The following RBPJL variants were observed in gnomAD, a reference collection of about 807,000 sequenced individuals.
RBPJL encodes recombination signal binding protein for immunoglobulin kappa J region like, also known as recombining binding protein suppressor of hairless-like protein.
A neutral mutation model predicts 57.6 loss-of-function variants in RBPJL; 50 were observed. The ratio of observed to expected loss-of-function variants is 0.87; its 90% CI spans 0.69 to 1.10. The LOEUF (loss-of-function observed/expected upper bound fraction) is 1.10, where lower values mean the gene tolerates loss of function less well. Among genes scored for constraint, RBPJL ranks in the 50% least tolerant of loss-of-function variants. RBPJL has a pLI of 0.00. For missense variants in RBPJL, 684 were observed against 693.7 expected, an observed-to-expected ratio of 0.99 and a Z score of 0.16; for synonymous variants, 303 against 294.4, an observed-to-expected ratio of 1.03 and a Z score of -0.30.
chr20:45,310,354 C>T (rs2145687874), intron 3 of RBPJL, among the ~76,000 whole-genome samples: 2 of 152,272 alleles, frequency 1.3e-5, no homozygotes, highest in East Asian at 3.9e-4. Flanking sequence ...CACCTGTAAT[C>T]CCAGCACTTT....
chr20:45,310,610 A>C (rs1314126371), intron 3 of RBPJL, among the ~76,000 whole-genome samples: 1 of 151,368 alleles, frequency 6.6e-6, no homozygotes, highest in Non-Finnish European at 1.5e-5. Context: ...AGTCTCAAAA[A>C]AAAAAAGGGC....
intron 9 of RBPJL, 92 bp downstream of exon 9, chr20:45,314,657 C>CTCAGGAAGTAGCAACCA: frequency 7.8e-7 from 1 of 1,286,328 alleles, no homozygotes; most frequent in Non-Finnish European, 1.1e-6. Flanking sequence ...ACCATGGTTG[C>CTCAGGAAGTAGCAACCA]TACTTCCTGA....
intron 6 of RBPJL, among the ~76,000 whole-genome samples, chr20:45,312,969 C>T (rs902112017): frequency 1.3e-4 from 20 of 149,682 alleles, no homozygotes; most frequent in African/African-American, 4.9e-4. Flanking sequence ...GATAGCACCA[C>T]GGCAGTCCAG....
chr20:45,314,236 A>T (rs1380528298), intron 8 of RBPJL, 92 bp downstream of exon 8: 1 of 1,299,288 alleles, frequency 7.7e-7, no homozygotes, highest in Non-Finnish European at 1.1e-6. Flanking sequence ...TGAGGCCCCA[A>T]GGCATGGAGA....
In RBPJL at chr20:45,312,323, A is replaced by T; in HGVS notation, c.547A>T (p.Thr183Ser). ...GCTGCGCGGGGGCCGGGAGCTGGGT[A>T]CCTTCCACAGCCGCCTTATCAAGGT... Reference protein sequence around the residue: ...LVLRGGRELGTFHSRLIKVIS... With the variant: ...LVLRGGRELGSFHSRLIKVIS... The change falls in exon 6 of 12, where the codon ACC becomes TCC. Residue 183 changes from threonine to serine, a missense_variant. Physicochemically the swap from Thr to Ser is moderately conservative, Grantham distance 58. Transcript: ENST00000343694. The T allele has an allele frequency of 6.2e-7, 1 of 1,613,814 alleles. No homozygotes were observed.
At chr20:45,308,400 T>G in intron 2 of RBPJL, 149 bp downstream of exon 2, 1 of 605,302 alleles carries the variant, frequency 1.7e-6, no homozygotes, top group Non-Finnish European at 3.0e-6. Flanking sequence ...GGATCCCCCC[T>G]TCCTCCTGAG....
chr20:45,316,857 T>A lies in RBPJL; in HGVS notation c.1452T>A (p.Gly484=). 1 of 1,613,772 alleles carries A rather than the reference T, an allele frequency of 6.2e-7. No homozygotes were observed. Among genetic ancestry groups the A allele is most frequent in the South Asian group, 1.1e-5 (1 of 91,062 alleles). The change falls in exon 12 of 12, where the codon GGT becomes GGA. Residue 484 remains glycine (G), a synonymous_variant. Coordinates refer to ENST00000343694, the MANE Select transcript of RBPJL (RefSeq NM_014276.4). The stretch of plus-strand genomic sequence containing the variant: ...CCCCGGAATACAGCGTGCGGCCGGG[T>A]CACCCCGGCGTCCCCGAGCCCGCCA... The part of the protein sequence containing the change: ...TYTPEYSVRP[G]HPGVPEPATD...
Position 45,308,314 on chromosome 20 carries a change from C to A in RBPJL, c.131+63C>A, listed in dbSNP as rs1005928283. 3.0e-5 allele frequency: 34 copies of A among 1,117,772 alleles called. No homozygotes were observed. In the Middle Eastern group the frequency reaches 1.0e-3, roughly 34 times the overall value. The allele number at this position is 1,117,772 out of a possible 1,614,324, so 69.2% of individuals were successfully genotyped here. A position where few individuals can be genotyped will look rare whatever the true frequency, so the allele number is the denominator to read the frequency against. On this transcript the variant is annotated intron_variant, in intron 2 of 11. Coordinates refer to ENST00000343694, the MANE Select transcript of RBPJL (RefSeq NM_014276.4). ...GCCAGGCAGCTGGAGCACACAGAGGCAACGGCCGCATTTAACCCAGGGCTG... is the reference window on the plus strand; with the variant it reads ...GCCAGGCAGCTGGAGCACACAGAGGAAACGGCCGCATTTAACCCAGGGCTG...
At chr20:45,311,732 C>A (rs766065677) in intron 4 of RBPJL, 73 bp downstream of exon 4, 4 of 1,576,044 alleles carry the variant, frequency 2.5e-6, no homozygotes, top group Non-Finnish European at 3.5e-6. Context: ...CGAGACGGGG[C>A]GGTTCGCAGG....
At chr20:45,308,961 A>G (rs1247054665) in intron 2 of RBPJL, among the ~76,000 whole-genome samples, 1 of 152,076 alleles carries the variant, frequency 6.6e-6, no homozygotes, top group African/African-American at 2.4e-5. Flanking sequence ...GCCACTTCTC[A>G]TGGGAGAAAG....
intron 6 of RBPJL, among the ~76,000 whole-genome samples, chr20:45,312,688 G>T (rs1028073861): frequency 1.6e-4 from 24 of 152,040 alleles, no homozygotes; most frequent in African/African-American, 4.8e-4. Context: ...TTGAACTAGG[G>T]ACAGACTAAA....
chr20:45,311,123 A>AAG (rs1407249751), intron 3 of RBPJL, among the ~76,000 whole-genome samples: 3 of 151,614 alleles, frequency 2.0e-5, no homozygotes, highest in Non-Finnish European at 4.4e-5. Flanking sequence ...CCTCAAAAAA[A>AAG]AAAAAAAAGA....
In RBPJL at chr20:45,308,256, C is replaced by CTTGGACTAG; in HGVS notation, c.131+5_131+6insTTGGACTAG. 1 of 1,599,478 alleles carries CTTGGACTAG rather than the reference C, an allele frequency of 6.3e-7. No individual in the cohort carries two copies. Among genetic ancestry groups the CTTGGACTAG allele is most frequent in the Non-Finnish European group, 8.6e-7 (1 of 1,166,884 alleles). ...CCTCCCGGGCACTTGGACCAGGTAA[C>CTTGGACTAG]GGCGGCGTGGCAGCGTGCCCTAGGT... is the stretch of plus-strand genomic sequence containing the variant. On this transcript the variant is annotated splice_donor_region_variant and intron_variant, in intron 2 of 11. Transcript: ENST00000343694.
chr20:45,316,925 C>G lies in RBPJL; in HGVS notation c.1520C>G (p.Thr507Arg), dbSNP rs746049643. 1.9e-6 allele frequency: 3 copies of G among 1,613,048 alleles called. No homozygotes were observed. Among genetic ancestry groups the G allele is most frequent in the Admixed American group, 1.7e-5 (1 of 59,942 alleles). ...ALLESIHQEFTRTNFHLFIQT is the reference protein window; with the variant it reads ...ALLESIHQEFRRTNFHLFIQT ...CTGGAGAGCATCCATCAGGAGTTCA[C>G]GCGCACCAACTTCCACCTCTTCATC... Residue 507 changes from threonine (T) to arginine (R), a missense_variant, in exon 12 of 12, where the codon ACG becomes AGG. Transcript: ENST00000343694.
At chr20:45,314,968 A>G (rs1465922013) in intron 9 of RBPJL, among the ~76,000 whole-genome samples, 1 of 152,188 alleles carries the variant, frequency 6.6e-6, no homozygotes, top group African/African-American at 2.4e-5. Context: ...CTGTAATCTC[A>G]GCTACTCAGG....
At position 45,317,480 on chromosome 20, in the gene RBPJL, G is replaced by T. The variant is rs78503204; in HGVS notation, c.*521G>T. On this transcript the variant is annotated 3_prime_UTR_variant, in exon 12 of 12. Transcript: ENST00000343694. ...GGGCATCAGGACCCTGGAGCACCAG[G>T]TCCTTCCTGGAATATTAGATCCACC... The T allele has an allele frequency of 0.014, 2,128 of 154,128 alleles. 44 individuals carry two copies. Among genetic ancestry groups the T allele is most frequent in the African/African-American group, 0.044 (1,846 of 41,540 alleles). 9.5% of individuals were successfully genotyped at this position (154,128 alleles called of 1,614,324 possible).
chr20:45,315,865 AAAGG>A (rs975759308), intron 9 of RBPJL: 7 of 280,194 alleles, frequency 2.5e-5, no homozygotes, highest in African/African-American at 8.7e-5. Context: ...GAAAGAAAGA[AAAGG>A]AAGGAAGGAA....
intron 6 of RBPJL, 46 bp from the exon 7 acceptor site, chr20:45,313,422 A>G: frequency 2.6e-6 from 4 of 1,530,630 alleles, no homozygotes; most frequent in Non-Finnish European, 3.6e-6. Context: ...CCTCACCCTA[A>G]CCCTGACCCT....
rs577206489 is a variant in RBPJL, at chr20:45,308,059, A to G, written c.23-84A>G. On this transcript the variant is annotated intron_variant, in intron 1 of 11. Transcript: ENST00000343694. ...GGACCCTGCAGAAGTGGGGAAGGGCACTGCAAATCAGATAGGGCACCCTAG... is the reference window on the plus strand; with the variant it reads ...GGACCCTGCAGAAGTGGGGAAGGGCGCTGCAAATCAGATAGGGCACCCTAG... 9.1e-6 allele frequency: 8 copies of G among 881,982 alleles called. No homozygotes were observed. In the Admixed American group the frequency reaches 1.6e-4, roughly 18 times the overall value. The allele number at this position is 881,982 out of a possible 1,614,324, so 54.6% of individuals were successfully genotyped here.
Sources: gnomAD v4.1 joint callset for allele counts (sites outside exome capture counted in the v4.1 genomes callset) on GRCh38, gnomAD v4.1.1 for gene constraint, MANE v1.5 for transcripts, NCBI Gene and HGNC (gene_info 2026-07-23, HGNC 2026-07-21) for gene names.